The following NAA15 variants were observed in gnomAD, a reference collection of about 807,000 sequenced individuals.
NAA15 encodes N-terminal acetyltransferase.
NAA15 carries 34 observed loss-of-function variants against 114.0 expected under a neutral mutation model. That is an observed-to-expected ratio of 0.30 (90% CI 0.23 to 0.40). The LOEUF (loss-of-function observed/expected upper bound fraction) is 0.40. NAA15 is among the 10% of genes least tolerant of loss of function. The pLI is 1.00. For missense variants in NAA15, 658 were observed against 1,004.5 expected (o/e 0.66, Z 4.66); for synonymous variants, 340 against 338.0 (o/e 1.01, Z -0.06).
chr4:139,308,805 AG>A (rs933816199), intron 1 of NAA15, among the ~76,000 whole-genome samples: 1 of 151,864 alleles, frequency 6.6e-6, no homozygotes, highest in African/African-American at 2.4e-5. Flanking sequence ...TAGTACAGAC[AG>A]GGTTTCGCCA....
intron 1 of NAA15, among the ~76,000 whole-genome samples, chr4:139,312,152 T>A (rs1332726224): frequency 6.6e-6 from 1 of 151,938 alleles, no homozygotes; most frequent in Non-Finnish European, 1.5e-5. Context: ...TGCTCTCTAT[T>A]TACAGGCAAT....
chr4:139,335,036 C>T lies in NAA15; in HGVS notation c.139+778C>T, dbSNP rs1322587030. Reference sequence around the variant, plus strand: ...GATAAAAGTATTTAAATTTATCTCTCTGCTGGGTGCTGGGGCTCACTCCTA... The same window carrying T: ...GATAAAAGTATTTAAATTTATCTCTTTGCTGGGTGCTGGGGCTCACTCCTA... On this transcript the variant is annotated intron_variant, in intron 2 of 19. Transcript: ENST00000296543. Among the ~76,000 whole-genome samples, 4 of 152,064 alleles carry T rather than the reference C, an allele frequency of 2.6e-5. No homozygotes were observed. In the East Asian group the frequency reaches 7.7e-4, roughly 29 times the overall value.
chr4:139,370,601 C>T (rs763799860), intron 15 of NAA15, among the ~76,000 whole-genome samples, 197 bp downstream of exon 15: 15 of 151,998 alleles, frequency 9.9e-5, no homozygotes, highest in Non-Finnish European at 2.1e-4. Flanking sequence ...AAATAATGAT[C>T]CTGTTCCAAA....
At chr4:139,361,978 T>C (rs745403435) in intron 14 of NAA15, 41 bp downstream of exon 14, 8 of 1,337,436 alleles carry the variant, frequency 6.0e-6, no homozygotes, top group Non-Finnish European at 7.4e-6. Context: ...GATGTGTTTA[T>C]GTGTATTTAT....
intron 1 of NAA15, among the ~76,000 whole-genome samples, chr4:139,309,619 G>A (rs1746150747): frequency 6.6e-6 from 1 of 151,974 alleles, no homozygotes; most frequent in Admixed American, 6.6e-5. Flanking sequence ...GTGAGATGCA[G>A]TATGAATGAA....
chr4:139,301,556 C>T lies in NAA15; in HGVS notation c.-222C>T. 1 of 585,038 alleles carries T rather than the reference C, an allele frequency of 1.7e-6. No individual in the cohort carries two copies. The allele number at this position is 585,038 out of a possible 1,614,324, so 36.2% of individuals were successfully genotyped here. A position where few individuals can be genotyped will look rare whatever the true frequency, so the allele number is the denominator to read the frequency against. Reference sequence around the variant, plus strand: ...ACCACGTGAACCGCCGACGGAGACCCGTAGTGGGGGAGGCGGCGGCAGCGT... The same window carrying T: ...ACCACGTGAACCGCCGACGGAGACCTGTAGTGGGGGAGGCGGCGGCAGCGT... On this transcript the variant is annotated 5_prime_UTR_variant, in exon 1 of 20. Coordinates refer to ENST00000296543, the MANE Select transcript of NAA15 (RefSeq NM_057175.5).
chr4:139,313,175 A>G (rs141912768), intron 1 of NAA15, among the ~76,000 whole-genome samples: 39 of 152,140 alleles, frequency 2.6e-4, no homozygotes, highest in Admixed American at 4.6e-4. Context: ...CAGTAGACCT[A>G]GGGAAAAAAA....
rs543396493 is a variant in NAA15, at chr4:139,391,092, A to G, written c.*3008A>G. ...GGTATATACTTGTGTCAGATAATTA[A>G]AGCCTTAAATTTTGAAATGAATCTT... On this transcript the variant is annotated 3_prime_UTR_variant, in exon 20 of 20. Coordinates refer to ENST00000296543, the MANE Select transcript of NAA15 (RefSeq NM_057175.5). The G allele has an allele frequency of 6.6e-6, 1 of 152,338 alleles. No homozygotes were observed. Among genetic ancestry groups the G allele is most frequent in the South Asian group, 2.1e-4 (1 of 4,828 alleles). 9.4% of individuals were successfully genotyped at this position (152,338 alleles called of 1,614,324 possible). A position where few individuals can be genotyped will look rare whatever the true frequency, so the allele number is the denominator to read the frequency against.
intron 9 of NAA15, among the ~76,000 whole-genome samples, chr4:139,352,490 A>G (rs535539569): frequency 6.6e-6 from 1 of 152,180 alleles, no homozygotes; most frequent in Non-Finnish European, 1.5e-5. Context: ...ATTCTAAAAA[A>G]TCAGTTACAT....
chr4:139,314,710 G>T (rs532347544), intron 1 of NAA15, among the ~76,000 whole-genome samples: 5 of 151,796 alleles, frequency 3.3e-5, no homozygotes, highest in Non-Finnish European at 5.9e-5. Context: ...ATGGAGTCTC[G>T]CTCTGTTACC....
rs961245866 is a variant in NAA15 at position 139,301,520 on chromosome 4, T to G, written c.-258T>G. ...CCGCCATTTTGGCTGCCTCTGTCGG[T>G]CTGTTCAGTTACCACGTGAACCGCC... is the stretch of plus-strand genomic sequence containing the variant. On this transcript the variant is annotated 5_prime_UTR_variant, in exon 1 of 20. Coordinates refer to ENST00000296543, the MANE Select transcript of NAA15 (RefSeq NM_057175.5). 2 of 494,988 alleles carry G rather than the reference T, an allele frequency of 4.0e-6. No homozygotes were observed. The highest frequency in any genetic ancestry group is 7.2e-6 in the Non-Finnish European group (2 of 278,678). 30.7% of individuals were successfully genotyped at this position (494,988 alleles called of 1,614,324 possible).
In NAA15 at chr4:139,370,091, C is replaced by G. The variant is rs965788196; in HGVS notation, c.1754-120C>G. On this transcript the variant is annotated intron_variant, in intron 14 of 19. Coordinates refer to ENST00000296543, the MANE Select transcript of NAA15 (RefSeq NM_057175.5). ...AAGTGCTGGGATTATAGGCATGAGACGCCATGCCCAGCCTCATGCAATATT... is the reference window on the plus strand; with the variant it reads ...AAGTGCTGGGATTATAGGCATGAGAGGCCATGCCCAGCCTCATGCAATATT... 4 of 813,600 alleles carry G rather than the reference C, an allele frequency of 4.9e-6. No individual in the cohort carries two copies. In the African/African-American group the frequency reaches 7.2e-5, roughly 15 times the overall value. The allele number at this position is 813,600 out of a possible 1,614,324, so 50.4% of individuals were successfully genotyped here.
intron 1 of NAA15, among the ~76,000 whole-genome samples, chr4:139,307,020 T>G (rs1746044387): frequency 6.6e-6 from 1 of 152,190 alleles, no homozygotes; most frequent in Non-Finnish European, 1.5e-5. Context: ...CCTGAATGAT[T>G]TAAATTGTTA....
At chr4:139,338,589 A>C (rs1397108360) in intron 3 of NAA15, among the ~76,000 whole-genome samples, 1 of 152,162 alleles carries the variant, frequency 6.6e-6, no homozygotes, top group Admixed American at 6.5e-5. Flanking sequence ...CTGGCATTAC[A>C]GGTGCACAGC....
intron 1 of NAA15, among the ~76,000 whole-genome samples, chr4:139,306,107 T>C (rs1188804334): frequency 2.0e-5 from 3 of 152,240 alleles, no homozygotes; most frequent in African/African-American, 7.2e-5. Context: ...TTTTTTCCAA[T>C]ATTACTCTTC....
At chr4:139,315,255 C>T (rs565990521) in intron 1 of NAA15, among the ~76,000 whole-genome samples, 3 of 151,942 alleles carry the variant, frequency 2.0e-5, no homozygotes, top group East Asian at 3.9e-4. Context: ...GACGATGGCT[C>T]ACGCCTGTAA....
At chr4:139,353,669 A>G (rs556162757) in intron 9 of NAA15, among the ~76,000 whole-genome samples, 1 of 152,354 alleles carries the variant, frequency 6.6e-6, no homozygotes, top group South Asian at 2.1e-4. Context: ...TTCACATAGC[A>G]TTTAATTCTT....
rs546342401 is a variant in NAA15 at position 139,320,799 on chromosome 4, G to A, written c.55-13375G>A. 1.6e-4 allele frequency among the ~76,000 whole-genome samples: 25 copies of A among 152,290 alleles called. No individual in the cohort carries two copies. In the South Asian group the frequency reaches 4.6e-3, roughly 28 times the overall value. ...GCCACCCAAAGTGTTGGGATTACAG[G>A]TGTGAGCCTCTGCGTCTGGCCTCCC... On this transcript the variant is annotated intron_variant, in intron 1 of 19. Coordinates refer to ENST00000296543, the MANE Select transcript of NAA15 (RefSeq NM_057175.5).
intron 14 of NAA15, among the ~76,000 whole-genome samples, chr4:139,368,238 C>T (rs1010785770): frequency 6.6e-6 from 1 of 152,194 alleles, no homozygotes; most frequent in Non-Finnish European, 1.5e-5. Context: ...TCAGAAGTCA[C>T]TTAGCTGTAT....
Sources: allele counts gnomAD v4.1 joint callset (sites outside exome capture counted in the v4.1 genomes callset), GRCh38; gene constraint gnomAD v4.1.1; transcripts MANE v1.5; gene names NCBI Gene and HGNC (gene_info 2026-07-23, HGNC 2026-07-21).